The following ELF2 variants were observed in gnomAD, a reference collection of about 807,000 sequenced individuals.
ELF2 encodes the protein ETS-related transcription factor Elf-2.
In ELF2, 11 loss-of-function variants were observed where a neutral mutation model predicts 54.8. The ratio of observed to expected loss-of-function variants is 0.20; its 90% CI spans 0.13 to 0.33. ELF2 has a LOEUF of 0.33. Ranked by LOEUF, ELF2 falls within the 10% of genes least tolerant of loss-of-function variation. ELF2 has a pLI of 1.00. For missense variants in ELF2, 513 were observed against 703.0 expected (o/e 0.73, Z 3.06); for synonymous variants, 203 against 245.1 (o/e 0.83, Z 1.61).
chr4:139,082,180 T>C (rs933023407), intron 4 of ELF2, among the ~76,000 whole-genome samples: 2 of 152,230 alleles, frequency 1.3e-5, no homozygotes, highest in African/African-American at 2.4e-5. Flanking sequence ...AAAGTTTTGA[T>C]GCAAAGGCAT....
chr4:139,086,036 T>C (rs1370381712), intron 4 of ELF2, among the ~76,000 whole-genome samples: 1 of 152,208 alleles, frequency 6.6e-6, no homozygotes, highest in Non-Finnish European at 1.5e-5. Flanking sequence ...CAAAACAGTC[T>C]TCTATAAAAT....
intron 3 of ELF2, among the ~76,000 whole-genome samples, chr4:139,133,630 CCCTA>C (rs1218901149): frequency 8.7e-5 from 13 of 148,768 alleles, no homozygotes; most frequent in South Asian, 2.1e-4. Flanking sequence ...TTAAACTTTT[CCCTA>C]CCTTTTTTTT....
intron 1 of ELF2, among the ~76,000 whole-genome samples, chr4:139,173,929 A>G: frequency 6.6e-6 from 1 of 151,624 alleles, no homozygotes; most frequent in Non-Finnish European, 1.5e-5. Flanking sequence ...CTCTATAAAA[A>G]AGAAAATAGA....
intron 7 of ELF2, chr4:139,067,089 C>CAG (rs1400086054): frequency 1.3e-5 from 2 of 150,076 alleles, no homozygotes; most frequent in Non-Finnish European, 3.0e-5. Flanking sequence ...GCCTGAATGA[C>CAG]AGTGAGACCT....
At chr4:139,143,475 GC>G (rs1738916590) in intron 1 of ELF2, among the ~76,000 whole-genome samples, 1 of 152,096 alleles carries the variant, frequency 6.6e-6, no homozygotes, top group South Asian at 2.1e-4. Context: ...CCTTTTGAGA[GC>G]CACACATTAA....
chr4:139,164,056 GAA>G (rs1173419170), intron 1 of ELF2, among the ~76,000 whole-genome samples: 1 of 148,012 alleles, frequency 6.8e-6, no homozygotes, highest in South Asian at 2.2e-4. Flanking sequence ...GGGTGAGAGA[GAA>G]AGAGTGGGGG....
intron 1 of ELF2, among the ~76,000 whole-genome samples, chr4:139,163,612 T>C (rs1477474813): frequency 6.6e-6 from 1 of 152,122 alleles, no homozygotes; most frequent in East Asian, 1.9e-4. Flanking sequence ...GATGAATTTA[T>C]TAAAGAAATT....
chr4:139,127,865 T>C (rs1737080932), intron 3 of ELF2, among the ~76,000 whole-genome samples: 1 of 151,214 alleles, frequency 6.6e-6, no homozygotes, highest in African/African-American at 2.4e-5. Context: ...CTTGGGAGGC[T>C]GAGGCATGAG....
rs138672851 is a variant in ELF2, at chr4:139,088,611, A to T, written c.239-15044T>A. Among the ~76,000 whole-genome samples, 117 of 152,148 alleles carry T rather than the reference A, an allele frequency of 7.7e-4. No individual in the cohort carries two copies. The East Asian group carries it at 0.013, about 17-fold the overall frequency. ...TTCCTATTTCTTTTCAGTTGTCTTCACCCACTTCTACACAACCGTTAAATG... is the reference window on the plus strand; with the variant it reads ...TTCCTATTTCTTTTCAGTTGTCTTCTCCCACTTCTACACAACCGTTAAATG... On this transcript the variant is annotated intron_variant, in intron 4 of 9. Coordinates refer to ENST00000686138, the MANE Select transcript of ELF2 (RefSeq NM_001331036.3).
intron 1 of ELF2, among the ~76,000 whole-genome samples, chr4:139,176,247 G>A (rs1742904078): frequency 6.6e-6 from 1 of 152,234 alleles, no homozygotes; most frequent in Admixed American, 6.5e-5. Context: ...TACCTCCCGG[G>A]GAATAGGGGG....
chr4:139,086,170 T>C (rs997937650), intron 4 of ELF2, among the ~76,000 whole-genome samples: 1 of 151,548 alleles, frequency 6.6e-6, no homozygotes, highest in African/African-American at 2.4e-5. Context: ...AAGAGAAAAA[T>C]GGAAGAAAAA....
chr4:139,169,991 T>C (rs1742117584), intron 1 of ELF2, among the ~76,000 whole-genome samples: 1 of 152,192 alleles, frequency 6.6e-6, no homozygotes, highest in South Asian at 2.1e-4. Flanking sequence ...GACTGTCTTT[T>C]ACTTAGGTTG....
At chr4:139,132,700 T>G (rs1427051482) in intron 3 of ELF2, among the ~76,000 whole-genome samples, 2 of 151,992 alleles carry the variant, frequency 1.3e-5, no homozygotes, top group Non-Finnish European at 2.9e-5. Context: ...GCGGTAATGC[T>G]CCTATGAACA....
At chr4:139,123,015 T>C (rs1736540358) in intron 4 of ELF2, among the ~76,000 whole-genome samples, 2 of 151,672 alleles carry the variant, frequency 1.3e-5, no homozygotes, top group Non-Finnish European at 2.9e-5. Flanking sequence ...AAACCCTGTC[T>C]CTACTAAAAA....
chr4:139,176,161 G>A (rs1243612975), intron 1 of ELF2, among the ~76,000 whole-genome samples: 1 of 152,180 alleles, frequency 6.6e-6, no homozygotes. Flanking sequence ...TCCAGAAGGC[G>A]GTCACTGGAC....
chr4:139,059,679 A>AT (rs1158699083), intron 9 of ELF2, 72 bp from the exon 10 acceptor site: 1 of 1,516,724 alleles, frequency 6.6e-7, no homozygotes, highest in Non-Finnish European at 8.8e-7. Flanking sequence ...TGAGTAAAAG[A>AT]TTAATACAAA....
chr4:139,060,708 A>ATT (rs762920230), intron 8 of ELF2, 34 bp from the exon 9 acceptor site: 1 of 1,532,468 alleles, frequency 6.5e-7, no homozygotes, highest in South Asian at 1.3e-5. Flanking sequence ...TGAATCAAGT[A>ATT]TATTATTTCT....
At chr4:139,167,472 A>G (rs1741836473) in intron 1 of ELF2, among the ~76,000 whole-genome samples, 1 of 152,240 alleles carries the variant, frequency 6.6e-6, no homozygotes, top group Non-Finnish European at 1.5e-5. Context: ...AAAAACTAAT[A>G]AAACTATTTT....
At chr4:139,166,380 G>A (rs1415139384) in intron 1 of ELF2, among the ~76,000 whole-genome samples, 1 of 150,908 alleles carries the variant, frequency 6.6e-6, no homozygotes, top group Admixed American at 6.6e-5. Flanking sequence ...GAGTCAAACT[G>A]TCTCAAAAAA....
Sources: allele counts gnomAD v4.1 joint callset (sites outside exome capture counted in the v4.1 genomes callset), GRCh38; gene constraint gnomAD v4.1.1; transcripts MANE v1.5; gene names NCBI Gene and HGNC (gene_info 2026-07-23, HGNC 2026-07-21).